Variants in CNBD1 observed in about 807,000 individuals in gnomAD.
CNBD1 encodes cyclic nucleotide-binding domain-containing protein 1.
Under a neutral mutation model 54.4 loss-of-function variants are expected in CNBD1, and 71 were observed. The observed-to-expected ratio is 1.30, with a 90% confidence interval of 1.08 to 1.59. The LOEUF (loss-of-function observed/expected upper bound fraction) is 1.59. Ranked by LOEUF, CNBD1 falls within the 40% of genes most tolerant of loss-of-function variation. The pLI, the probability that CNBD1 is intolerant of heterozygous loss-of-function variation, is 0.00. For synonymous variants in CNBD1, 182 were observed against 170.7 expected (o/e 1.07, Z -0.51); for missense variants, 659 against 518.0 (o/e 1.27, Z -2.64).
chr8:87,368,106 G>A (rs945275784), intron 10 of CNBD1, among the ~76,000 whole-genome samples: 1 of 150,892 alleles, frequency 6.6e-6, no homozygotes, highest in Admixed American at 6.6e-5. Context: ...AGGTTGCAGT[G>A]AGCCTAGATC....
intron 10 of CNBD1, among the ~76,000 whole-genome samples, chr8:87,363,143 G>T (rs114732930): frequency 6.6e-6 from 1 of 151,964 alleles, no homozygotes; most frequent in African/African-American, 2.4e-5. Context: ...TGAAAATGAT[G>T]GTTTCCAGAG....
chr8:87,201,581 A>G (rs1813862967), intron 4 of CNBD1, among the ~76,000 whole-genome samples: 1 of 152,174 alleles, frequency 6.6e-6, no homozygotes, highest in Non-Finnish European at 1.5e-5. Context: ...CCATCAATGA[A>G]AAATCCAAAA....
At position 87,164,916 on chromosome 8, in the gene CNBD1, C is replaced by T. The variant is rs541068164; in HGVS notation, c.432-41077C>T. On this transcript the variant is annotated intron_variant, in intron 4 of 10. Coordinates refer to ENST00000518476, the MANE Select transcript of CNBD1 (RefSeq NM_173538.3). ...TTTTACTTAATGTATGCATTGATAG[C>T]TACTATTTTTTTTCTTAGAACTACT... 1.8e-3 allele frequency among the ~76,000 whole-genome samples: 273 copies of T among 151,628 alleles called. 1 individual carries two copies. The highest frequency in any genetic ancestry group is 6.4e-3 in the African/African-American group (265 of 41,420).
At chr8:87,372,464 C>T (rs1416428358) in intron 10 of CNBD1, among the ~76,000 whole-genome samples, 1 of 151,816 alleles carries the variant, frequency 6.6e-6, no homozygotes, top group Non-Finnish European at 1.5e-5. Flanking sequence ...AATGTTTGTT[C>T]CCACTCCACT....
At chr8:87,162,384 T>C (rs1050547591) in intron 4 of CNBD1, among the ~76,000 whole-genome samples, 3 of 152,136 alleles carry the variant, frequency 2.0e-5, no homozygotes, top group African/African-American at 7.2e-5. Flanking sequence ...CTTGCTGCTC[T>C]CACCATTTTA....
intron 4 of CNBD1, among the ~76,000 whole-genome samples, chr8:87,186,205 T>TTTGGA (rs1352630424): frequency 3.9e-5 from 6 of 152,272 alleles, no homozygotes; most frequent in Admixed American, 2.6e-4. Flanking sequence ...TAAATACCTA[T>TTTGGA]TTGATATTCT....
At chr8:87,205,081 C>T (rs1813942949) in intron 4 of CNBD1, among the ~76,000 whole-genome samples, 1 of 152,102 alleles carries the variant, frequency 6.6e-6, no homozygotes, top group South Asian at 2.1e-4. Flanking sequence ...TATGTCATAT[C>T]TAAACTGGGA....
At chr8:87,101,245 C>CT (rs1811423586) in intron 4 of CNBD1, among the ~76,000 whole-genome samples, 1 of 152,070 alleles carries the variant, frequency 6.6e-6, no homozygotes, top group Non-Finnish European at 1.5e-5. Context: ...TAGACAAGGC[C>CT]TTTTTATCAG....
intron 4 of CNBD1, among the ~76,000 whole-genome samples, chr8:86,977,165 C>A (rs930212371): frequency 6.6e-6 from 1 of 151,964 alleles, no homozygotes. Flanking sequence ...TGCCTTGTCA[C>A]CTATGGCCTT....
chr8:86,969,735 C>T (rs1331270161), intron 4 of CNBD1, among the ~76,000 whole-genome samples: 2 of 151,390 alleles, frequency 1.3e-5, no homozygotes, highest in Non-Finnish European at 3.0e-5. Flanking sequence ...ATGTGGAATA[C>T]AGTCATCTAA....
chr8:87,263,125 G>A (rs1246090368), intron 6 of CNBD1, among the ~76,000 whole-genome samples: 2 of 151,836 alleles, frequency 1.3e-5, no homozygotes, highest in South Asian at 2.1e-4. Context: ...AAATTGTGAT[G>A]GTATTATATA....
intron 4 of CNBD1, among the ~76,000 whole-genome samples, chr8:87,040,321 A>G (rs1810038077): frequency 6.6e-6 from 1 of 151,822 alleles, no homozygotes; most frequent in African/African-American, 2.4e-5. Context: ...GTTAGGTCAG[A>G]TTTCTTTGAC....
chr8:87,275,628 C>T (rs1808463211), intron 6 of CNBD1, among the ~76,000 whole-genome samples: 1 of 151,576 alleles, frequency 6.6e-6, no homozygotes, highest in South Asian at 2.1e-4. Flanking sequence ...ACTGAATGGG[C>T]AAAAACTGGA....
chr8:87,103,593 G>A (rs1191285981), intron 4 of CNBD1, among the ~76,000 whole-genome samples: 1 of 152,202 alleles, frequency 6.6e-6, no homozygotes, highest in Non-Finnish European at 1.5e-5. Context: ...GCAAGGAAAA[G>A]TGCAGCGTGA....
intron 3 of CNBD1, among the ~76,000 whole-genome samples, chr8:86,938,985 C>G (rs1193435648): frequency 6.6e-6 from 1 of 151,884 alleles, no homozygotes; most frequent in Non-Finnish European, 1.5e-5. Context: ...CTATTTTTTT[C>G]TTAAACACAG....
At chr8:87,098,725 C>G (rs1331970000) in intron 4 of CNBD1, among the ~76,000 whole-genome samples, 1 of 110,614 alleles carries the variant, frequency 9.0e-6, no homozygotes, top group Non-Finnish European at 1.8e-5. Flanking sequence ...GTTCTAGGAA[C>G]ATAGTAATAA....
chr8:87,020,973 G>A (rs1177428568), intron 4 of CNBD1, among the ~76,000 whole-genome samples: 2 of 152,162 alleles, frequency 1.3e-5, no homozygotes. Flanking sequence ...ATCCATCCCA[G>A]ATCTTCAGAC....
At position 87,411,397 on chromosome 8, in the gene CNBD1, CATATATATATAT is replaced by C. The variant is rs6150689; in HGVS notation, c.214-17130_214-17119del. ...ATAGGCAGGATTAACCTAGCTATAT[CATATATATATAT>C]ATATATATATATATATATTTCATTC... On this transcript the variant is annotated intron_variant, in intron 2 of 7. Coordinates refer to the CNBD1 transcript ENST00000521593. Among the ~76,000 whole-genome samples the C allele has an allele frequency of 7.0e-4, 65 of 92,410 alleles. 5 individuals are homozygous for C. Among genetic ancestry groups the C allele is most frequent in the Non-Finnish European group, 1.1e-3 (53 of 49,732 alleles). 60.6% of individuals were successfully genotyped at this position (92,410 alleles called of 152,430 possible).
At chr8:87,080,010 G>A (rs1044704854) in intron 4 of CNBD1, among the ~76,000 whole-genome samples, 4 of 152,036 alleles carry the variant, frequency 2.6e-5, no homozygotes, top group African/African-American at 7.2e-5. Flanking sequence ...AAATGTCAGT[G>A]TTCATTGTTT....
Sources: gnomAD v4.1 joint callset for allele counts (sites outside exome capture counted in the v4.1 genomes callset) on GRCh38, gnomAD v4.1.1 for gene constraint, MANE v1.5 for transcripts, NCBI Gene and HGNC (gene_info 2026-07-23, HGNC 2026-07-21) for gene names.